Variants in DOCK5 observed in about 807,000 individuals in gnomAD.
DOCK5 encodes dedicator of cytokinesis 5, also known as dedicator of cytokinesis protein 5.
In DOCK5, 142 loss-of-function variants were observed where a neutral mutation model predicts 251.8. The ratio of observed to expected loss-of-function variants is 0.56; its 90% CI spans 0.49 to 0.65. The LOEUF is 0.65. DOCK5 is among the 30% of genes least tolerant of loss of function. The pLI, the probability that DOCK5 is intolerant of heterozygous loss-of-function variation, is 0.00. For missense variants in DOCK5, 2,111 were observed against 2,312.3 expected (o/e 0.91, Z 1.79); for synonymous variants, 842 against 835.5 (o/e 1.01, Z -0.13).
At chr8:25,236,194 C>T (rs969961847) in intron 1 of DOCK5, among the ~76,000 whole-genome samples, 4 of 152,090 alleles carry the variant, frequency 2.6e-5, no homozygotes, top group African/African-American at 9.7e-5. Context: ...CCTGTAAGAG[C>T]CTGCTCTTAT....
chr8:25,204,748 G>A (rs1043109393), intron 1 of DOCK5, among the ~76,000 whole-genome samples: 2 of 152,174 alleles, frequency 1.3e-5, no homozygotes, highest in Admixed American at 6.5e-5. Flanking sequence ...TAAGTCATAC[G>A]TTAATAGGAA....
At chr8:25,309,677 A>T (rs1166734239) in intron 12 of DOCK5, among the ~76,000 whole-genome samples, 1 of 152,152 alleles carries the variant, frequency 6.6e-6, no homozygotes, top group African/African-American at 2.4e-5. Flanking sequence ...TTCTGTTGAT[A>T]GAGTGTGTTG....
intron 3 of DOCK5, among the ~76,000 whole-genome samples, chr8:25,269,943 C>G (rs1354049120): frequency 6.6e-6 from 1 of 152,180 alleles, no homozygotes; most frequent in East Asian, 1.9e-4. Flanking sequence ...ACCCAACTCT[C>G]CAAAGAGTAC....
At chr8:25,320,587 G>A (rs1409037035) in intron 15 of DOCK5, among the ~76,000 whole-genome samples, 4 of 152,084 alleles carry the variant, frequency 2.6e-5, no homozygotes, top group African/African-American at 2.4e-5. Flanking sequence ...TGCTTTATGA[G>A]CCCTAATTAT....
chr8:25,349,347 A>G (rs1467213598), intron 26 of DOCK5, among the ~76,000 whole-genome samples: 1 of 152,226 alleles, frequency 6.6e-6, no homozygotes, highest in Non-Finnish European at 1.5e-5. Context: ...AATTATTAGT[A>G]TGACAACTAT....
At chr8:25,268,702 T>G (rs543447750) in intron 2 of DOCK5, 143 bp from the exon 3 acceptor site, 1 of 647,936 alleles carries the variant, frequency 1.5e-6, no homozygotes, top group African/African-American at 1.9e-5. Flanking sequence ...AACTAAAACA[T>G]TCATCTTCTA....
rs760676476 is a variant in DOCK5, at chr8:25,395,648, C to T, written c.4633C>T (p.His1545Tyr). 5 of 1,613,658 alleles carry T rather than the reference C, an allele frequency of 3.1e-6. No homozygotes were observed. The highest frequency in any genetic ancestry group is 4.5e-5 in the East Asian group (2 of 44,844). Residue 1545 changes from histidine to tyrosine, a missense_variant, in exon 45 of 52, where the codon CAC becomes TAC. Coordinates refer to ENST00000276440, the MANE Select transcript of DOCK5 (RefSeq NM_024940.8). ...TGCCTGGGACCGGTCCCTCTCTGTGCACCCTCTCTCCATGCTGCTCAGTGG... is the reference window on the plus strand; with the variant it reads ...TGCCTGGGACCGGTCCCTCTCTGTGTACCCTCTCTCCATGCTGCTCAGTGG... ...QHAWDRSLSVHPLSMLLSGIV... is the reference protein window; with the variant it reads ...QHAWDRSLSVYPLSMLLSGIV...
At chr8:25,304,810 ACTGT>A (rs900377202) in intron 11 of DOCK5, 1 of 152,988 alleles carries the variant, frequency 6.5e-6, no homozygotes, top group African/African-American at 2.4e-5. Flanking sequence ...TGAGGGCCAC[ACTGT>A]CTGTAGCGAG....
At chr8:25,262,928 C>T (rs555910685) in intron 2 of DOCK5, among the ~76,000 whole-genome samples, 34 of 149,668 alleles carry the variant, frequency 2.3e-4, no homozygotes, top group Middle Eastern at 3.4e-3. Context: ...AAGTGATTCT[C>T]CTGCCTCCAC....
chr8:25,284,619 C>A (rs2117139338), intron 5 of DOCK5, among the ~76,000 whole-genome samples: 1 of 152,360 alleles, frequency 6.6e-6, no homozygotes, highest in South Asian at 2.1e-4. Context: ...TCCTTTCTGT[C>A]AACACCTCTT....
chr8:25,194,247 T>G (rs1444389853), intron 1 of DOCK5, among the ~76,000 whole-genome samples: 1 of 151,892 alleles, frequency 6.6e-6, no homozygotes, highest in African/African-American at 2.4e-5. Flanking sequence ...TGAGCCAAGA[T>G]CACGCCACTA....
chr8:25,401,286 A>G (rs931387443), intron 47 of DOCK5, among the ~76,000 whole-genome samples: 5 of 152,142 alleles, frequency 3.3e-5, no homozygotes, highest in Non-Finnish European at 7.3e-5. Flanking sequence ...AACCTCCCAG[A>G]GCGCCTGTGA....
intron 37 of DOCK5, chr8:25,375,077 A>T (rs1195754699): frequency 1.2e-6 from 1 of 817,870 alleles, no homozygotes; most frequent in Non-Finnish European, 1.5e-6. Context: ...TCTATATGTT[A>T]TGAATCCCAA....
chr8:25,319,716 C>A (rs753731328), intron 15 of DOCK5, 40 bp downstream of exon 15: 3 of 1,422,700 alleles, frequency 2.1e-6, no homozygotes, highest in African/African-American at 1.4e-5. Flanking sequence ...ATCTGTTAAA[C>A]CTCAGTTAGA....
At chr8:25,399,796 A>G (rs754341950) in intron 45 of DOCK5, 115 bp from the exon 46 acceptor site, 6 of 730,634 alleles carry the variant, frequency 8.2e-6, no homozygotes, top group Non-Finnish European at 1.4e-5. Context: ...AAAGGGATGC[A>G]TTTTTAGTTA....
rs528703575 is a variant in DOCK5 at position 25,278,757 on chromosome 8, T to C, written c.321+92T>C. The C allele has an allele frequency of 5.3e-6, 6 of 1,140,702 alleles. No homozygotes were observed. The Admixed American group carries it at 8.0e-5, about 15-fold the overall frequency. 70.7% of individuals were successfully genotyped at this position (1,140,702 alleles called of 1,614,324 possible). Reference sequence around the variant, plus strand: ...AGGGTGTTGGCCCCTTATTGCTGACTTCATGGAGTGGGATGCATTCTCCCT... The same window carrying C: ...AGGGTGTTGGCCCCTTATTGCTGACCTCATGGAGTGGGATGCATTCTCCCT... On this transcript the variant is annotated intron_variant, in intron 5 of 51. Transcript: ENST00000276440.
At chr8:25,388,973 T>C (rs1801209569) in intron 40 of DOCK5, 118 bp from the exon 41 acceptor site, 2 of 921,702 alleles carry the variant, frequency 2.2e-6, no homozygotes, top group Admixed American at 4.9e-5. Context: ...CAGTGAGAAC[T>C]TGATGGTGGG....
intron 1 of DOCK5, among the ~76,000 whole-genome samples, chr8:25,226,867 G>A (rs1802547728): frequency 6.6e-6 from 1 of 152,178 alleles, no homozygotes; most frequent in Admixed American, 6.5e-5. Flanking sequence ...TTACAGGCGT[G>A]AGCCACCGCA....
rs1205413945 is a variant in DOCK5, at chr8:25,310,458, A to G, written c.1244A>G (p.Lys415Arg). Reference protein sequence around the residue: ...LLPGDLTQVQKNFSHLVDRST... With the variant: ...LLPGDLTQVQRNFSHLVDRST... ...CCCGGTGACCTCACCCAGGTTCAGA[A>G]GAATTTTTCACACTTGGTTGATAGA... Residue 415 changes from lysine to arginine, a missense_variant, in exon 13 of 52, where the codon AAG (lysine) becomes AGG (arginine). Lys to Arg is a conservative substitution (Grantham distance 26, BLOSUM62 2). This residue lies in a region of DOCK5 where 1,717 missense variants were observed against 1,892.4 expected (regional missense o/e 0.91). Transcript: ENST00000276440. 4 of 1,613,776 alleles carry G rather than the reference A, an allele frequency of 2.5e-6. No homozygotes were observed. Among genetic ancestry groups the G allele is most frequent in the East Asian group, 2.2e-5 (1 of 44,890 alleles).
Sources: gnomAD v4.1 joint callset for allele counts (sites outside exome capture counted in the v4.1 genomes callset) on GRCh38, gnomAD v4.1.1 for gene constraint, gnomAD v4.1.1 regional missense constraint, MANE v1.5 for transcripts, NCBI Gene and HGNC (gene_info 2026-07-23, HGNC 2026-07-21) for gene names.